Variants in MYO3A observed in about 807,000 individuals in gnomAD.
The protein encoded by MYO3A is myosin IIIA.
A neutral mutation model predicts 192.7 loss-of-function variants in MYO3A; 180 were observed. The ratio of observed to expected loss-of-function variants is 0.93; its 90% CI spans 0.83 to 1.06. MYO3A has a LOEUF of 1.06. Ranked by LOEUF, MYO3A falls within the 50% of genes least tolerant of loss-of-function variation. The pLI is 0.00. For missense variants in MYO3A, 1,896 were observed against 1,905.0 expected (o/e 1.00, Z 0.09); for synonymous variants, 628 against 645.3 (o/e 0.97, Z 0.41).
intron 2 of MYO3A, among the ~76,000 whole-genome samples, chr10:25,948,351 A>G (rs1836994283): frequency 6.6e-6 from 1 of 152,202 alleles, no homozygotes; most frequent in Admixed American, 6.5e-5. Flanking sequence ...ATCTTAAAAA[A>G]ATCCAAAAGC....
chr10:25,988,630 A>T (rs1343550863), intron 4 of MYO3A, among the ~76,000 whole-genome samples: 1 of 152,194 alleles, frequency 6.6e-6, no homozygotes, highest in African/African-American at 2.4e-5. Flanking sequence ...CAAAATCTGT[A>T]CGTGAATGTT....
At chr10:25,938,906 G>C (rs1836294369) in intron 2 of MYO3A, among the ~76,000 whole-genome samples, 1 of 152,082 alleles carries the variant, frequency 6.6e-6, no homozygotes, top group Non-Finnish European at 1.5e-5. Flanking sequence ...TTACTAAGGT[G>C]GGTTTCTAGC....
At chr10:26,102,965 C>T (rs1273299107) in intron 17 of MYO3A, among the ~76,000 whole-genome samples, 1 of 152,232 alleles carries the variant, frequency 6.6e-6, no homozygotes, top group African/African-American at 2.4e-5. Context: ...GAAGTTTCTG[C>T]TGTCTTTTGT....
intron 31 of MYO3A, among the ~76,000 whole-genome samples, chr10:26,186,866 T>G (rs1842894922): frequency 6.6e-6 from 1 of 152,212 alleles, no homozygotes; most frequent in South Asian, 2.1e-4. Context: ...AAATAAAGGT[T>G]TTTGCCTATA....
intron 15 of MYO3A, 60 bp downstream of exon 15, chr10:26,088,465 A>G: frequency 6.8e-7 from 1 of 1,468,632 alleles, no homozygotes; most frequent in Non-Finnish European, 9.5e-7. Context: ...TAATACTTTA[A>G]TAGTAAAATG....
intron 8 of MYO3A, chr10:26,022,371 A>G (rs191166896): frequency 6.6e-6 from 1 of 152,216 alleles, no homozygotes; most frequent in Non-Finnish European, 1.5e-5. Flanking sequence ...ATATCTTTTT[A>G]AGGATTTTGC....
chr10:26,070,085 C>CA, intron 12 of MYO3A, 26 bp from the exon 13 acceptor site: 1 of 1,525,026 alleles, frequency 6.6e-7, no homozygotes, highest in Non-Finnish European at 9.1e-7. Context: ...AAAAGCCCTA[C>CA]AAAATGTATT....
chr10:26,187,926 A>G (rs1360638664), intron 31 of MYO3A, among the ~76,000 whole-genome samples: 3 of 152,036 alleles, frequency 2.0e-5, no homozygotes, highest in African/African-American at 7.2e-5. Context: ...AGTCTTTGCT[A>G]TTGTGAATAG....
rs1844231026 is a variant in MYO3A, at chr10:26,211,845, G to A, written c.4733G>A (p.Cys1578Tyr). Residue 1578 changes from cysteine to tyrosine, a missense_variant and splice_region_variant, in exon 35 of 35, where the codon TGC becomes TAC. Cys to Tyr is a radical substitution (Grantham distance 194). Transcript: ENST00000642920. The stretch of plus-strand genomic sequence containing the variant: ...TGGGCCCTGGGTTTCACTTGCAGGT[G>A]CTGGGCGGCGGAGAGCCCCGAGAAG... ...QNQCIKANER[C>Y]WAAESPEKEE... The A allele has an allele frequency of 6.2e-7, 1 of 1,614,104 alleles. No homozygotes were observed.
chr10:26,138,990 A>G (rs956394873), intron 20 of MYO3A, among the ~76,000 whole-genome samples: 3 of 152,186 alleles, frequency 2.0e-5, no homozygotes, highest in Admixed American at 2.0e-4. Context: ...TAGCTTCACA[A>G]ATCGTCAGCA....
intron 9 of MYO3A, among the ~76,000 whole-genome samples, chr10:26,025,538 A>G (rs548395710): frequency 6.6e-6 from 1 of 152,298 alleles, no homozygotes; most frequent in East Asian, 1.9e-4. Flanking sequence ...AGCTTATTCT[A>G]CTTTGATAAG....
At chr10:26,175,136 A>G (rs1842259920) in intron 30 of MYO3A, among the ~76,000 whole-genome samples, 1 of 152,220 alleles carries the variant, frequency 6.6e-6, no homozygotes, top group Admixed American at 6.5e-5. Context: ...GGTGTGTTTC[A>G]GCTGTTTCTA....
At chr10:26,113,881 G>C (rs1838342057) in intron 17 of MYO3A, among the ~76,000 whole-genome samples, 1 of 152,038 alleles carries the variant, frequency 6.6e-6, no homozygotes, top group African/African-American at 2.4e-5. Flanking sequence ...AAAATTGAGG[G>C]GCATTTAATT....
chr10:26,080,059 G>A (rs903414331), intron 14 of MYO3A, among the ~76,000 whole-genome samples: 2 of 152,070 alleles, frequency 1.3e-5, no homozygotes, highest in African/African-American at 4.8e-5. Flanking sequence ...CTTGTATTTG[G>A]ATGTCTAGGT....
chr10:26,106,802 T>A (rs1837831083), intron 17 of MYO3A, among the ~76,000 whole-genome samples: 1 of 152,180 alleles, frequency 6.6e-6, no homozygotes, highest in African/African-American at 2.4e-5. Flanking sequence ...TATTTAAATA[T>A]CCTTACATTT....
chr10:26,147,234 A>ATT (rs746395142), intron 22 of MYO3A, among the ~76,000 whole-genome samples, 196 bp from the exon 23 acceptor site: 11 of 65,154 alleles, frequency 1.7e-4, no homozygotes, highest in Admixed American at 4.3e-4. Flanking sequence ...TGAGACACAG[A>ATT]TGATAAGGAG....
At position 26,016,831 on chromosome 10, in the gene MYO3A, C is replaced by G. The variant is rs200823072; in HGVS notation, c.520C>G (p.Gln174Glu). The change falls in exon 7 of 35, where the codon CAG becomes GAG. Residue 174 changes from glutamine (Q) to glutamate (E), a missense_variant. Gln to Glu is a conservative substitution (Grantham distance 29). Transcript: ENST00000642920. ...GTCTCTTCCTCTAGGTGTGTCTGCA[C>G]AGCTCACCAGTACCCGGCACCGTCG... ...VKLVDFGVSAQLTSTRHRRNT... is the reference protein window; with the variant it reads ...VKLVDFGVSAELTSTRHRRNT... The G allele has an allele frequency of 4.3e-6, 7 of 1,614,040 alleles. No homozygotes were observed. Among genetic ancestry groups the G allele is most frequent in the African/African-American group, 1.3e-5 (1 of 74,946 alleles).
At chr10:25,995,420 A>G (rs1485420577) in intron 4 of MYO3A, among the ~76,000 whole-genome samples, 1 of 152,098 alleles carries the variant, frequency 6.6e-6, no homozygotes, top group South Asian at 2.1e-4. Flanking sequence ...TCTTTTTTCA[A>G]GGTTTTTAAC....
chr10:26,211,958 T>C lies in MYO3A; in HGVS notation c.4846T>C (p.Ser1616Pro), dbSNP rs767228097. ...TSQRRRLVQQ[S>P] ...CCAGCGCCGGCGCCTCGTCCAGCAG[T>C]CCTAACCGTTCAACGAGGCAGTCAC... The change falls in exon 35 of 35, where the codon TCC (serine) becomes CCC (proline). Residue 1616 changes from serine (S) to proline (P), a missense_variant. By Grantham distance (74) the Ser-to-Pro change is moderately conservative. Transcript: ENST00000642920. 83 of 1,612,114 alleles carry C rather than the reference T, an allele frequency of 5.1e-5. No individual in the cohort carries two copies. In the Admixed American group the frequency reaches 9.5e-4, roughly 18 times the overall value.
Sources: allele counts gnomAD v4.1 joint callset (sites outside exome capture counted in the v4.1 genomes callset), GRCh38; gene constraint gnomAD v4.1.1; transcripts MANE v1.5; gene names NCBI Gene and HGNC (gene_info 2026-07-23, HGNC 2026-07-21).